BIRC6: variants seen among roughly 807,000 people sequenced by gnomAD.
BIRC6 encodes the protein dual E2 ubiquitin-conjugating enzyme/E3 ubiquitin-protein ligase BIRC6.
In BIRC6, 98 loss-of-function variants were observed where a neutral mutation model predicts 503.3. The ratio of observed to expected loss-of-function variants is 0.19; its 90% CI spans 0.17 to 0.23. The LOEUF (loss-of-function observed/expected upper bound fraction) is 0.23. BIRC6 is among the 10% of genes least tolerant of loss of function. BIRC6 has a pLI of 1.00. For missense variants in BIRC6, 5,360 were observed against 5,806.0 expected (o/e 0.92, Z 2.50); for synonymous variants, 2,240 against 2,078.7 (o/e 1.08, Z -2.11).
At position 32,449,668 on chromosome 2, in the gene BIRC6, T is replaced by C. The variant is rs764316304; in HGVS notation, c.4618+740T>C. On this transcript the variant is annotated intron_variant, in intron 22 of 73. Coordinates refer to ENST00000421745, the MANE Select transcript of BIRC6 (RefSeq NM_016252.4). Reference sequence around the variant, plus strand: ...TTCAATTTTGTTGAAAAGTAACTTATGAGGTGTAATAAAAGCAAAATTAAA... The same window carrying C: ...TTCAATTTTGTTGAAAAGTAACTTACGAGGTGTAATAAAAGCAAAATTAAA... Among the ~76,000 whole-genome samples, 20 of 152,198 alleles carry C rather than the reference T, an allele frequency of 1.3e-4. 1 individual carries two copies. Among genetic ancestry groups the C allele is most frequent in the Non-Finnish European group, 2.8e-4 (19 of 68,036 alleles).
At chr2:32,462,954 CAAAA>C (rs544469284) in intron 23 of BIRC6, among the ~76,000 whole-genome samples, 1 of 64,918 alleles carries the variant, frequency 1.5e-5, no homozygotes. Context: ...GACCCTGTCT[CAAAA>C]AAAAAAAAAA....
chr2:32,599,669 G>T (rs993843562), intron 69 of BIRC6, 70 bp from the exon 70 acceptor site: 1 of 1,476,332 alleles, frequency 6.8e-7, no homozygotes, highest in Admixed American at 1.8e-5. Context: ...TTTCATGTTG[G>T]ATTGTATTTT....
At position 32,415,210 on chromosome 2, in the gene BIRC6, A is replaced by G. The variant is rs774652038; in HGVS notation, c.1919A>G (p.Glu640Gly). The G allele has an allele frequency of 8.1e-6, 13 of 1,613,868 alleles. No homozygotes were observed. The highest frequency in any genetic ancestry group is 3.3e-5 in the Admixed American group (2 of 60,008). ...LLLYSIKESD[E>G]KAGKIFSQMN... ...CTTTATAGCATCAAGGAATCTGATG[A>G]GAAAGCAGGAAAGATCTTTTCACAG... is the stretch of plus-strand genomic sequence containing the variant. Residue 640 changes from glutamate to glycine, a missense_variant, in exon 10 of 74, where the codon GAG becomes GGG. By Grantham distance (98) the Glu-to-Gly change is moderately conservative. Transcript: ENST00000421745.
At chr2:32,472,373 A>G (rs1483836620) in intron 32 of BIRC6, among the ~76,000 whole-genome samples, 2 of 152,182 alleles carry the variant, frequency 1.3e-5, no homozygotes, top group African/African-American at 2.4e-5. Context: ...CTGGCTGAGA[A>G]ACAGTCTTGA....
intron 10 of BIRC6, among the ~76,000 whole-genome samples, chr2:32,426,768 C>A (rs2043548122): frequency 6.6e-6 from 1 of 152,138 alleles, no homozygotes; most frequent in Non-Finnish European, 1.5e-5. Flanking sequence ...TGTTGCTTTC[C>A]TTCCTCTTAA....
Position 32,570,483 on chromosome 2 carries a change from CATTT to C in BIRC6, c.13145-4668_13145-4665del, listed in dbSNP as rs1335083931. Among the ~76,000 whole-genome samples the C allele has an allele frequency of 4.0e-5, 6 of 150,008 alleles. No homozygotes were observed. The South Asian group carries it at 8.4e-4, about 21-fold the overall frequency. ...ACGGGTGTGAGCTACAGTGCGTGGC[CATTT>C]ATTTGTTTGTTTGTTTGTTTGTTTG... On this transcript the variant is annotated intron_variant, in intron 65 of 73. Coordinates refer to ENST00000421745, the MANE Select transcript of BIRC6 (RefSeq NM_016252.4).
chr2:32,617,355 C>T (rs2063314509), intron 73 of BIRC6, among the ~76,000 whole-genome samples: 2 of 151,990 alleles, frequency 1.3e-5, no homozygotes, highest in African/African-American at 4.8e-5. Flanking sequence ...GAGCTGAGAT[C>T]GCGCCAGTGC....
At chr2:32,538,960 A>G (rs1357940639) in intron 61 of BIRC6, among the ~76,000 whole-genome samples, 1 of 152,214 alleles carries the variant, frequency 6.6e-6, no homozygotes, top group Non-Finnish European at 1.5e-5. Context: ...AGTGTATTAA[A>G]TACCCCATTT....
intron 23 of BIRC6, among the ~76,000 whole-genome samples, chr2:32,458,106 T>G (rs2047440897): frequency 6.6e-6 from 1 of 152,192 alleles, no homozygotes; most frequent in Admixed American, 6.5e-5. Context: ...AGGTAATCTT[T>G]CCTTGTCTCT....
chr2:32,458,144 A>G (rs2047445996), intron 23 of BIRC6, among the ~76,000 whole-genome samples: 1 of 152,172 alleles, frequency 6.6e-6, no homozygotes, highest in Non-Finnish European at 1.5e-5. Context: ...GTTCGAAGTC[A>G]TCTGTCAGTC....
intron 10 of BIRC6, among the ~76,000 whole-genome samples, chr2:32,422,428 A>G (rs1453831468): frequency 3.9e-5 from 6 of 152,102 alleles, no homozygotes; most frequent in Non-Finnish European, 8.8e-5. Flanking sequence ...TTTTTTTAGA[A>G]GAAAATTTAC....
At chr2:32,484,984 C>T (rs1056497953) in intron 39 of BIRC6, among the ~76,000 whole-genome samples, 4 of 152,164 alleles carry the variant, frequency 2.6e-5, no homozygotes, top group Non-Finnish European at 5.9e-5. Context: ...TTAGCACTTC[C>T]TTGTTCTCTG....
At chr2:32,382,678 T>A (rs1177313269) in intron 3 of BIRC6, among the ~76,000 whole-genome samples, 5 of 152,240 alleles carry the variant, frequency 3.3e-5, no homozygotes, top group African/African-American at 1.2e-4. Context: ...ATTCACACTT[T>A]ATATATTTGA....
At chr2:32,536,873 T>C (rs930463240) in intron 61 of BIRC6, among the ~76,000 whole-genome samples, 3 of 152,206 alleles carry the variant, frequency 2.0e-5, no homozygotes, top group African/African-American at 4.8e-5. Context: ...TTTCATGATA[T>C]TCATTCTTCC....
At chr2:32,409,282 C>A (rs1033005031) in intron 9 of BIRC6, among the ~76,000 whole-genome samples, 1 of 152,076 alleles carries the variant, frequency 6.6e-6, no homozygotes, top group African/African-American at 2.4e-5. Flanking sequence ...GCCTCAGCCT[C>A]CCGAGTAGCT....
chr2:32,365,444 T>C (rs556039323), intron 1 of BIRC6, among the ~76,000 whole-genome samples: 2 of 151,756 alleles, frequency 1.3e-5, no homozygotes, highest in Admixed American at 1.3e-4. Context: ...CTCAGCCTCC[T>C]GAATAGTTGG....
In BIRC6 at chr2:32,438,283, CAG is replaced by C. The variant is rs2044969119; in HGVS notation, c.3632-1223_3632-1222del. 2.0e-5 allele frequency among the ~76,000 whole-genome samples: 3 copies of C among 152,108 alleles called. 1 individual carries two copies. The highest frequency in any genetic ancestry group is 2.0e-4 in the Admixed American group (3 of 15,286). On this transcript the variant is annotated intron_variant, in intron 15 of 73. Transcript: ENST00000421745. ...AACATTGGCCAAAGAAATTTTGAAACAGAATGTCAGATACCACAACACAGAGA... is the reference window on the plus strand; with the variant it reads ...AACATTGGCCAAAGAAATTTTGAAACAATGTCAGATACCACAACACAGAGA...
intron 12 of BIRC6, 120 bp downstream of exon 12, chr2:32,431,210 T>TTTTTTTTTTTTTA (rs2044079348): frequency 1.8e-6 from 1 of 548,412 alleles, no homozygotes; most frequent in Non-Finnish European, 2.9e-6. Flanking sequence ...TTTTTTTTTT[T>TTTTTTTTTTTTTA]TTTGAGACAG....
chr2:32,587,940 A>G lies in BIRC6; in HGVS notation c.13356-5975A>G, dbSNP rs114119110. 2.5e-3 allele frequency among the ~76,000 whole-genome samples: 381 copies of G among 152,306 alleles called. 2 individuals are homozygous for G. The highest frequency in any genetic ancestry group is 4.1e-3 in the Non-Finnish European group (280 of 68,012). On this transcript the variant is annotated intron_variant, in intron 66 of 73. Transcript: ENST00000421745. ...GTCACGTCTAATTACTAGATTACCA[A>G]ACTAAACTGAGACTCATTGTGTTTG... is the stretch of plus-strand genomic sequence containing the variant.
Sources: gnomAD v4.1 joint callset for allele counts (sites outside exome capture counted in the v4.1 genomes callset) on GRCh38, gnomAD v4.1.1 for gene constraint, MANE v1.5 for transcripts, NCBI Gene and HGNC (gene_info 2026-07-23, HGNC 2026-07-21) for gene names.